The following SAE1 variants were observed in gnomAD, a reference collection of about 807,000 sequenced individuals.
SAE1 encodes the protein SUMO1 activating enzyme subunit 1.
Under a neutral mutation model 40.6 loss-of-function variants are expected in SAE1, and 11 were observed. The ratio of observed to expected loss-of-function variants is 0.27; its 90% CI spans 0.17 to 0.45. SAE1 has a LOEUF of 0.45. Ranked by LOEUF, SAE1 falls within the 20% of genes least tolerant of loss-of-function variation. The pLI is 1.00. For synonymous variants in SAE1, 155 were observed against 154.3 expected, an observed-to-expected ratio of 1.00 and a Z score of -0.03; for missense variants, 373 against 427.3, an observed-to-expected ratio of 0.87 and a Z score of 1.12.
At chr19:47,134,404 G>T (rs1280379310) in intron 1 of SAE1, among the ~76,000 whole-genome samples, 1 of 152,026 alleles carries the variant, frequency 6.6e-6, no homozygotes, top group Non-Finnish European at 1.5e-5. Flanking sequence ...CTTCTTTGAT[G>T]GGGTGGGGGG....
chr19:47,191,170 G>A (rs1007896482), intron 6 of SAE1, among the ~76,000 whole-genome samples: 3 of 152,092 alleles, frequency 2.0e-5, no homozygotes, highest in Non-Finnish European at 4.4e-5. Context: ...CAGCACTTTG[G>A]GAGGCTGAGG....
At chr19:47,185,682 A>G (rs1270015793) in intron 6 of SAE1, among the ~76,000 whole-genome samples, 1 of 151,274 alleles carries the variant, frequency 6.6e-6, no homozygotes, top group Non-Finnish European at 1.5e-5. Flanking sequence ...GCTCACTGCA[A>G]CCTCCGCCTC....
intron 1 of SAE1, among the ~76,000 whole-genome samples, chr19:47,133,765 A>T (rs1170720907): frequency 1.3e-5 from 2 of 152,176 alleles, no homozygotes; most frequent in African/African-American, 2.4e-5. Context: ...CCTACCTGGA[A>T]CGATGGAATT....
intron 6 of SAE1, chr19:47,180,450 T>C (rs1435971638): frequency 2.8e-6 from 1 of 359,330 alleles, no homozygotes; most frequent in Non-Finnish European, 5.5e-6. Flanking sequence ...ATCACCATAG[T>C]AGTAACAATT....
chr19:47,151,483 C>G (rs984799984), intron 3 of SAE1, among the ~76,000 whole-genome samples: 2 of 144,544 alleles, frequency 1.4e-5, no homozygotes, highest in African/African-American at 5.1e-5. Flanking sequence ...TTCTTTCTTT[C>G]TTTTTTGAGA....
chr19:47,133,870 T>G (rs189257459), intron 1 of SAE1, among the ~76,000 whole-genome samples: 2,321 of 151,324 alleles, frequency 0.015, 106 homozygotes, highest in Admixed American at 0.096. Flanking sequence ...TTGTTTGTTT[T>G]TTTTTTTTTT....
At chr19:47,160,381 C>A (rs2058352406) in intron 5 of SAE1, among the ~76,000 whole-genome samples, 2 of 147,872 alleles carry the variant, frequency 1.4e-5, no homozygotes, top group Non-Finnish European at 3.0e-5. Flanking sequence ...GCCACCACGC[C>A]CAGCTAATTT....
chr19:47,177,521 G>A (rs1185711244), intron 6 of SAE1, among the ~76,000 whole-genome samples: 1 of 152,108 alleles, frequency 6.6e-6, no homozygotes, highest in Non-Finnish European at 1.5e-5. Flanking sequence ...ACCATGTCCA[G>A]CTATTTTAAA....
intron 8 of SAE1, among the ~76,000 whole-genome samples, chr19:47,207,215 C>T (rs1195581194): frequency 6.6e-6 from 1 of 152,144 alleles, no homozygotes; most frequent in African/African-American, 2.4e-5. Context: ...ACCTGGGTAG[C>T]AGAACAAGAT....
intron 7 of SAE1, among the ~76,000 whole-genome samples, chr19:47,201,746 A>T (rs1344315964): frequency 1.3e-5 from 2 of 150,988 alleles, no homozygotes; most frequent in African/African-American, 4.9e-5. Context: ...CAATTCTTCC[A>T]CCTCAGCCTC....
At chr19:47,167,510 G>A (rs1286471126) in intron 5 of SAE1, among the ~76,000 whole-genome samples, 1 of 152,122 alleles carries the variant, frequency 6.6e-6, no homozygotes, top group Non-Finnish European at 1.5e-5. Flanking sequence ...AAAGTGCTGG[G>A]ATTACAGGTG....
At chr19:47,141,526 A>T (rs1280174431) in intron 1 of SAE1, among the ~76,000 whole-genome samples, 3 of 152,046 alleles carry the variant, frequency 2.0e-5, no homozygotes. Flanking sequence ...ATTGTCAGGG[A>T]CTTTTTATAT....
chr19:47,199,664 C>G (rs965132604), intron 7 of SAE1, among the ~76,000 whole-genome samples: 6 of 152,112 alleles, frequency 3.9e-5, no homozygotes, highest in African/African-American at 1.4e-4. Context: ...GCACACAGCC[C>G]CAGGTATGCT....
intron 5 of SAE1, among the ~76,000 whole-genome samples, chr19:47,167,928 C>T (rs2058404689): frequency 6.6e-6 from 1 of 152,178 alleles, no homozygotes; most frequent in Admixed American, 6.6e-5. Flanking sequence ...CACAGTGGCT[C>T]ACGCCTATAA....
chr19:47,193,747 G>A (rs976388453), intron 6 of SAE1, among the ~76,000 whole-genome samples: 1 of 150,314 alleles, frequency 6.7e-6, no homozygotes. Context: ...AGAATGGCTT[G>A]AACCCGGGAG....
At chr19:47,174,299 CTTTT>C (rs766044817) in intron 6 of SAE1, among the ~76,000 whole-genome samples, 5 of 130,254 alleles carry the variant, frequency 3.8e-5, no homozygotes, top group Admixed American at 2.3e-4. Flanking sequence ...TTTTCTTTTT[CTTTT>C]TTTTTTTTTT....
At chr19:47,142,235 C>G (rs961206075) in intron 1 of SAE1, among the ~76,000 whole-genome samples, 4 of 151,866 alleles carry the variant, frequency 2.6e-5, no homozygotes, top group Middle Eastern at 3.2e-3. Context: ...AATACAAAAA[C>G]TAGCCAGGCG....
intron 7 of SAE1, among the ~76,000 whole-genome samples, chr19:47,200,077 C>A (rs970305390): frequency 9.2e-5 from 14 of 151,896 alleles, no homozygotes; most frequent in Non-Finnish European, 1.8e-4. Context: ...ATAACAGGCG[C>A]CCGCCACCAC....
At chr19:47,191,271 C>T (rs1176561108) in intron 6 of SAE1, among the ~76,000 whole-genome samples, 2 of 151,764 alleles carry the variant, frequency 1.3e-5, no homozygotes, top group Non-Finnish European at 2.9e-5. Context: ...GTTATTTGGG[C>T]GTGGTTGTGG....
Sources: allele counts gnomAD v4.1 joint callset (sites outside exome capture counted in the v4.1 genomes callset), GRCh38; gene constraint gnomAD v4.1.1; transcripts MANE v1.5; gene names NCBI Gene and HGNC (gene_info 2026-07-23, HGNC 2026-07-21).